The following STXBP4 variants were observed in gnomAD, a reference collection of about 807,000 sequenced individuals.
The protein encoded by STXBP4 is syntaxin-binding protein 4.
Under a neutral mutation model 76.1 loss-of-function variants are expected in STXBP4, and 55 were observed. That is an observed-to-expected ratio of 0.72 (90% confidence interval 0.58 to 0.91). STXBP4 has a LOEUF of 0.91. STXBP4 is among the 40% of genes least tolerant of loss of function. The pLI is 0.00. For synonymous variants in STXBP4, 201 were observed against 220.2 expected (o/e 0.91, Z 0.77); for missense variants, 618 against 636.9 (o/e 0.97, Z 0.32).
intron 12 of STXBP4, among the ~76,000 whole-genome samples, chr17:55,068,353 T>A (rs1248366185): frequency 6.6e-6 from 1 of 152,170 alleles, no homozygotes; most frequent in Non-Finnish European, 1.5e-5. Flanking sequence ...AAAGATTTAC[T>A]GATGAACTTA....
At chr17:55,076,309 T>G (rs2079180976) in intron 13 of STXBP4, among the ~76,000 whole-genome samples, 1 of 152,178 alleles carries the variant, frequency 6.6e-6, no homozygotes, top group African/African-American at 2.4e-5. Flanking sequence ...TTAAGCATTC[T>G]TACATCTCAG....
the STXBP4 span, among the ~76,000 whole-genome samples, chr17:55,185,256 TCCTTC>T: frequency 1.9e-5 from 1 of 51,552 alleles, no homozygotes; most frequent in Non-Finnish European, 3.8e-5. Flanking sequence ...CTTCTCCTTC[TCCTTC>T]TCCTTCTCCT....
At chr17:55,017,589 G>T (rs541621706) in intron 8 of STXBP4, among the ~76,000 whole-genome samples, 4 of 152,368 alleles carry the variant, frequency 2.6e-5, no homozygotes, top group Admixed American at 2.6e-4. Flanking sequence ...GTCGTGGTCG[G>T]GACCCAGGAG....
At chr17:55,019,799 G>A (rs1238982476) in intron 8 of STXBP4, among the ~76,000 whole-genome samples, 4 of 151,972 alleles carry the variant, frequency 2.6e-5, no homozygotes, top group Non-Finnish European at 5.9e-5. Context: ...ATAATTCTAG[G>A]GTCACAGTTA....
chr17:54,973,469 G>C (rs1247334953), intron 1 of STXBP4, among the ~76,000 whole-genome samples: 2 of 152,200 alleles, frequency 1.3e-5, no homozygotes, highest in Non-Finnish European at 2.9e-5. Context: ...AGCTTAGACA[G>C]AGTTGAGCAT....
chr17:55,054,913 G>A (rs2078905499), intron 12 of STXBP4, among the ~76,000 whole-genome samples: 1 of 152,118 alleles, frequency 6.6e-6, no homozygotes, highest in South Asian at 2.1e-4. Context: ...AGCATTTCAG[G>A]CTGAGAAAAC....
chr17:54,978,920 A>G (rs908082201), intron 1 of STXBP4, among the ~76,000 whole-genome samples: 1 of 152,162 alleles, frequency 6.6e-6, no homozygotes, highest in Non-Finnish European at 1.5e-5. Context: ...ACCATTTTTG[A>G]TGATTACATA....
In STXBP4 at chr17:55,049,348, A is replaced by T. The variant is rs1384080282; in HGVS notation, c.1011+2194A>T. On this transcript the variant is annotated intron_variant, in intron 12 of 17. Transcript: ENST00000376352. The stretch of plus-strand genomic sequence containing the variant: ...TATATTTTATTGTACAGGTGAGACT[A>T]AAATGAGTCAGTGCATGGATGAAAA... Among the ~76,000 whole-genome samples, 3 of 152,116 alleles carry T rather than the reference A, an allele frequency of 2.0e-5. No individual in the cohort carries two copies. The East Asian group carries it at 5.8e-4, about 29-fold the overall frequency.
intron 8 of STXBP4, among the ~76,000 whole-genome samples, chr17:55,029,648 T>C (rs2144671393): frequency 6.6e-6 from 1 of 151,928 alleles, no homozygotes; most frequent in South Asian, 2.1e-4. Context: ...AGAATCATTT[T>C]TGAAAGAATC....
intron 12 of STXBP4, among the ~76,000 whole-genome samples, chr17:55,066,589 G>T (rs2144844842): frequency 6.6e-6 from 1 of 152,170 alleles, no homozygotes; most frequent in Middle Eastern, 3.4e-3. Flanking sequence ...TATTTTTAAT[G>T]AAAACAAGAA....
intron 8 of STXBP4, among the ~76,000 whole-genome samples, chr17:55,023,265 C>T (rs1598219443): frequency 1.3e-5 from 2 of 152,252 alleles, no homozygotes; most frequent in African/African-American, 4.8e-5. Flanking sequence ...CCACTCCTGC[C>T]ATGAATATAG....
At chr17:55,061,869 G>C (rs1198519982) in intron 12 of STXBP4, among the ~76,000 whole-genome samples, 1 of 152,136 alleles carries the variant, frequency 6.6e-6, no homozygotes, top group Non-Finnish European at 1.5e-5. Flanking sequence ...AAATAAAGTT[G>C]TGGGTTGTAT....
At position 55,172,375 on chromosome 17, in the gene STXBP4, G is replaced by A. The variant is rs749796135; in HGVS notation, c.*12464G>A. 6.6e-5 allele frequency: 10 copies of A among 152,192 alleles called. No individual in the cohort carries two copies. The highest frequency in any genetic ancestry group is 1.3e-4 in the Non-Finnish European group (9 of 68,038). 9.4% of individuals were successfully genotyped at this position (152,192 alleles called of 1,614,324 possible). A position where few individuals can be genotyped will look rare whatever the true frequency, so the allele number is the denominator to read the frequency against. On this transcript the variant is annotated 3_prime_UTR_variant, in exon 18 of 18. Transcript: ENST00000376352. Reference sequence around the variant, plus strand: ...TAGGTGATTTCAATGTGTAGCCAAGGTTCACTGCCATAGCCTGTCCTGGAA... The same window carrying A: ...TAGGTGATTTCAATGTGTAGCCAAGATTCACTGCCATAGCCTGTCCTGGAA...
chr17:54,999,868 C>T (rs755506869), intron 6 of STXBP4, 26 bp downstream of exon 6: 5 of 1,466,906 alleles, frequency 3.4e-6, no homozygotes, highest in Non-Finnish European at 4.8e-6. Context: ...TTAAATTTCT[C>T]TATATATGCA....
chr17:55,175,302 G>A (rs1465029281), downstream of STXBP4, among the ~76,000 whole-genome samples: 2 of 152,180 alleles, frequency 1.3e-5, no homozygotes, highest in Non-Finnish European at 2.9e-5. Context: ...ACCTGCTGAT[G>A]CTCATAGCAG....
chr17:55,150,228 A>G (rs953695746), intron 17 of STXBP4, among the ~76,000 whole-genome samples: 5 of 152,098 alleles, frequency 3.3e-5, no homozygotes, highest in Admixed American at 3.3e-4. Flanking sequence ...AAACAACAGA[A>G]ATTTATTTTC....
At chr17:55,204,607 T>G in the STXBP4 span, among the ~76,000 whole-genome samples, 1 of 152,140 alleles carries the variant, frequency 6.6e-6, no homozygotes, top group Non-Finnish European at 1.5e-5. Context: ...CTTACTCACC[T>G]TAATCCCTCC....
chr17:55,129,329 T>G (rs1164330701), intron 16 of STXBP4, among the ~76,000 whole-genome samples: 1 of 152,104 alleles, frequency 6.6e-6, no homozygotes, highest in African/African-American at 2.4e-5. Flanking sequence ...TCATTTTCTC[T>G]CCCTCATTAA....
chr17:55,081,546 CT>C (rs2079255201), intron 16 of STXBP4, among the ~76,000 whole-genome samples: 1 of 152,170 alleles, frequency 6.6e-6, no homozygotes, highest in African/African-American at 2.4e-5. Context: ...TACAGTCCAA[CT>C]GAGCAAAAGA....
Sources: allele counts gnomAD v4.1 joint callset (sites outside exome capture counted in the v4.1 genomes callset), GRCh38; gene constraint gnomAD v4.1.1; transcripts MANE v1.5; gene names NCBI Gene and HGNC (gene_info 2026-07-23, HGNC 2026-07-21).